The following MFHAS1 variants were observed in gnomAD, a reference collection of about 807,000 sequenced individuals.
The protein encoded by MFHAS1 is multifunctional ROCO family signaling regulator 1.
A neutral mutation model predicts 70.4 loss-of-function variants in MFHAS1; 50 were observed. The observed-to-expected ratio is 0.71, with a 90% confidence interval of 0.57 to 0.90. MFHAS1 has a LOEUF of 0.90. Among genes scored for constraint, MFHAS1 ranks in the 40% least tolerant of loss-of-function variants. MFHAS1 has a pLI of 0.00. For missense variants in MFHAS1, 1,795 were observed against 1,347.6 expected (o/e 1.33, Z -5.20); for synonymous variants, 952 against 620.0 (o/e 1.54, Z -7.96).
At position 8,854,273 on chromosome 8, in the gene MFHAS1, C is replaced by A. The variant is rs556757435; in HGVS notation, c.2998+35788G>T. On this transcript the variant is annotated intron_variant, in intron 1 of 2. Transcript: ENST00000276282. Reference sequence around the variant, plus strand: ...TTAGGCCAGGTGCAGTGGCTCACGCCTGTAATCCCAGCACTTTGGGAGGTC... The same window carrying A: ...TTAGGCCAGGTGCAGTGGCTCACGCATGTAATCCCAGCACTTTGGGAGGTC... Among the ~76,000 whole-genome samples, 10 of 152,154 alleles carry A rather than the reference C, an allele frequency of 6.6e-5. No individual in the cohort carries two copies. The South Asian group carries it at 2.1e-3, about 32-fold the overall frequency.
Position 8,797,498 on chromosome 8 carries a change from G to A in MFHAS1, c.2999-7C>T, listed in dbSNP as rs187928303. 1.5e-4 allele frequency: 238 copies of A among 1,612,238 alleles called. 3 individuals carry two copies. The highest frequency in any genetic ancestry group is 1.2e-3 in the South Asian group (112 of 90,964). On this transcript the variant is annotated splice_polypyrimidine_tract_variant and splice_region_variant and intron_variant, in intron 1 of 2. Coordinates refer to ENST00000276282, the MANE Select transcript of MFHAS1 (RefSeq NM_004225.3). ...GGCTGACTCAGCAACTCCCCTGTAG[G>A]AGGAGAGAGAAAAACGTGTTAGGGA... is the stretch of plus-strand genomic sequence containing the variant.
At chr8:8,850,150 A>G (rs1808188041) in intron 1 of MFHAS1, among the ~76,000 whole-genome samples, 1 of 152,262 alleles carries the variant, frequency 6.6e-6, no homozygotes. Context: ...CGAGGCAACT[A>G]ACAGCTATTA....
At chr8:8,824,625 C>T (rs1194988245) in intron 1 of MFHAS1, among the ~76,000 whole-genome samples, 1 of 152,004 alleles carries the variant, frequency 6.6e-6, no homozygotes, top group Non-Finnish European at 1.5e-5. Flanking sequence ...ATAAGAAGGT[C>T]ACTCATGTAA....
At chr8:8,859,507 G>C (rs1287722416) in intron 1 of MFHAS1, among the ~76,000 whole-genome samples, 1 of 152,124 alleles carries the variant, frequency 6.6e-6, no homozygotes, top group African/African-American at 2.4e-5. Context: ...TTATATGACA[G>C]TTTTCTTCCA....
At chr8:8,868,884 GA>G (rs1315911179) in intron 1 of MFHAS1, among the ~76,000 whole-genome samples, 1 of 151,408 alleles carries the variant, frequency 6.6e-6, no homozygotes, top group Non-Finnish European at 1.5e-5. Flanking sequence ...AAAGGGAGAG[GA>G]AAAAAAAGAC....
At position 8,858,195 on chromosome 8, in the gene MFHAS1, G is replaced by A. The variant is rs914802191; in HGVS notation, c.2998+31866C>T. Among the ~76,000 whole-genome samples the A allele has an allele frequency of 1.2e-4, 18 of 152,166 alleles. 1 individual carries two copies. Among genetic ancestry groups the A allele is most frequent in the African/African-American group, 4.3e-4 (18 of 41,426 alleles). On this transcript the variant is annotated intron_variant, in intron 1 of 2. Transcript: ENST00000276282. ...GTTAAGAAGCCAGCAAGGGAAGGAA[G>A]GAAATTGTTTAGTAAGTGCCCACTA...
intron 2 of MFHAS1, among the ~76,000 whole-genome samples, chr8:8,790,046 A>C (rs1275901281): frequency 6.6e-6 from 1 of 152,128 alleles, no homozygotes; most frequent in Non-Finnish European, 1.5e-5. Context: ...TTATTTCTGC[A>C]TAATATTAAC....
At chr8:8,849,356 C>A (rs1344626437) in intron 1 of MFHAS1, among the ~76,000 whole-genome samples, 1 of 152,102 alleles carries the variant, frequency 6.6e-6, no homozygotes, top group Non-Finnish European at 1.5e-5. Flanking sequence ...GCTGGGATTA[C>A]AAGTGTGAGC....
intron 1 of MFHAS1, among the ~76,000 whole-genome samples, chr8:8,855,108 G>C (rs1261725489): frequency 6.6e-6 from 1 of 152,024 alleles, no homozygotes; most frequent in Non-Finnish European, 1.5e-5. Context: ...CCCACCCCCA[G>C]CATACCAAAA....
intron 1 of MFHAS1, among the ~76,000 whole-genome samples, chr8:8,845,036 T>A (rs7014389): frequency 0.22 from 34,062 of 152,140 alleles, 5,632 homozygotes; most frequent in African/African-American, 0.47. Context: ...AGAAGACCTA[T>A]AAAATGGATT....
rs199680331 is a variant in MFHAS1, at chr8:8,891,704, G to A, written c.1355C>T (p.Pro452Leu). The change falls in exon 1 of 3, where the codon CCC becomes CTC. Residue 452 changes from proline to leucine, a missense_variant. Coordinates refer to ENST00000276282, the MANE Select transcript of MFHAS1 (RefSeq NM_004225.3). The surrounding 1 kb of genome is among the most constrained non-coding windows in gnomAD (Gnocchi z 5.4). The part of the protein sequence containing the change: ...DKEKCYPPSP[P>L]PVSKGIEVTS... ...CACCTCGATGCCCTTGCTCACAGGGGGAGGTGACGGTGGGTAGCACTTCTC... is the reference window on the plus strand; with the variant it reads ...CACCTCGATGCCCTTGCTCACAGGGAGAGGTGACGGTGGGTAGCACTTCTC... The A allele has an allele frequency of 5.6e-5, 90 of 1,613,488 alleles. No homozygotes were observed. Among genetic ancestry groups the A allele is most frequent in the Non-Finnish European group, 1.6e-5 (19 of 1,180,018 alleles).
chr8:8,841,406 CAG>C (rs1406320431), intron 1 of MFHAS1, among the ~76,000 whole-genome samples: 1 of 151,252 alleles, frequency 6.6e-6, no homozygotes, highest in Non-Finnish European at 1.5e-5. Flanking sequence ...ACCCAGGAGG[CAG>C]AGTGAGCCGG....
intron 2 of MFHAS1, among the ~76,000 whole-genome samples, chr8:8,794,132 A>G (rs1452414910): frequency 1.3e-5 from 2 of 152,040 alleles, no homozygotes; most frequent in Non-Finnish European, 1.5e-5. Context: ...GGAGTTTGCA[A>G]TGAGCTGAGA....
At chr8:8,802,869 C>A (rs1425720506) in intron 1 of MFHAS1, among the ~76,000 whole-genome samples, 4 of 152,186 alleles carry the variant, frequency 2.6e-5, no homozygotes, top group African/African-American at 9.7e-5. Flanking sequence ...ACACGGGATG[C>A]TGAATTCATG....
chr8:8,796,424 T>C (rs752566960), intron 2 of MFHAS1, among the ~76,000 whole-genome samples: 5 of 152,172 alleles, frequency 3.3e-5, no homozygotes, highest in Non-Finnish European at 5.9e-5. Flanking sequence ...CTATTTTCTT[T>C]TGTAATCCCA....
intron 1 of MFHAS1, among the ~76,000 whole-genome samples, chr8:8,849,423 G>A (rs754650172): frequency 3.3e-5 from 5 of 152,148 alleles, no homozygotes; most frequent in African/African-American, 4.8e-5. Context: ...AGTAATACTT[G>A]CAGCAAGTAA....
chr8:8,813,333 T>C (rs1806619661), intron 1 of MFHAS1, among the ~76,000 whole-genome samples: 1 of 152,236 alleles, frequency 6.6e-6, no homozygotes, highest in Non-Finnish European at 1.5e-5. Flanking sequence ...ATCATTCTTT[T>C]AGGGTGTACT....
chr8:8,843,146 G>C (rs915268241), intron 1 of MFHAS1, among the ~76,000 whole-genome samples: 2 of 152,002 alleles, frequency 1.3e-5, no homozygotes, highest in African/African-American at 4.8e-5. Flanking sequence ...GCGGGCGCCT[G>C]TAGTCCCAGC....
At chr8:8,883,468 G>T (rs1809609164) in intron 1 of MFHAS1, among the ~76,000 whole-genome samples, 1 of 151,682 alleles carries the variant, frequency 6.6e-6, no homozygotes, top group Non-Finnish European at 1.5e-5. Context: ...AGCACTTTGG[G>T]CAGCCAAGGT....
Sources: gnomAD v4.1 joint callset for allele counts (sites outside exome capture counted in the v4.1 genomes callset) on GRCh38, gnomAD v4.1.1 for gene constraint, Gnocchi (gnomAD v3.1) non-coding constraint, MANE v1.5 for transcripts, NCBI Gene and HGNC (gene_info 2026-07-23, HGNC 2026-07-21) for gene names.